The following XKR6 variants were observed in gnomAD, a reference collection of about 807,000 sequenced individuals.
XKR6 encodes XK related 6, also known as XK-related protein 6.
In XKR6, 22 loss-of-function variants were observed where a neutral mutation model predicts 56.7. That is an observed-to-expected ratio of 0.39 (90% CI 0.28 to 0.55). The LOEUF (loss-of-function observed/expected upper bound fraction) is 0.55. XKR6 is among the 20% of genes least tolerant of loss of function. XKR6 has a pLI of 0.66. For missense variants in XKR6, 852 were observed against 889.0 expected (o/e 0.96, Z 0.53); for synonymous variants, 524 against 387.8 (o/e 1.35, Z -4.13).
At chr8:11,137,426 C>G (rs954852594) in intron 1 of XKR6, 20 of 362,572 alleles carry the variant, frequency 5.5e-5, no homozygotes, top group African/African-American at 4.3e-4. Flanking sequence ...AGAAGAAATT[C>G]TCCCTCAAAC....
chr8:11,051,949 G>C (rs1437564304), intron 1 of XKR6, among the ~76,000 whole-genome samples: 1 of 152,226 alleles, frequency 6.6e-6, no homozygotes, highest in Non-Finnish European at 1.5e-5. Flanking sequence ...TGCCACGGTG[G>C]CGTGTTGCAC....
intron 1 of XKR6, among the ~76,000 whole-genome samples, chr8:11,061,595 G>GTTCA (rs374185850): frequency 7.7e-4 from 117 of 152,118 alleles, no homozygotes; most frequent in Middle Eastern, 3.4e-3. Context: ...ATGCACATCC[G>GTTCA]TTCATTCATT....
chr8:11,069,672 C>G (rs535411283), intron 1 of XKR6, among the ~76,000 whole-genome samples: 4 of 151,926 alleles, frequency 2.6e-5, no homozygotes, highest in Non-Finnish European at 5.9e-5. Flanking sequence ...GATCAATAAG[C>G]AAACAGAATA....
Position 11,015,882 on chromosome 8 carries a change from C to T in XKR6, c.765-91052G>A, listed in dbSNP as rs1312394309. Reference sequence around the variant, plus strand: ...GGGGAAGTGCTGTGCCCGAGGCGCCCCAAAGGTGGGCGGCGGTGCCAGCTC... The same window carrying T: ...GGGGAAGTGCTGTGCCCGAGGCGCCTCAAAGGTGGGCGGCGGTGCCAGCTC... On this transcript the variant is annotated intron_variant, in intron 1 of 2. Coordinates refer to ENST00000416569, the MANE Select transcript of XKR6 (RefSeq NM_173683.4). 2.6e-5 allele frequency among the ~76,000 whole-genome samples: 4 copies of T among 152,078 alleles called. 1 individual carries two copies. The highest frequency in any genetic ancestry group is 9.7e-5 in the African/African-American group (4 of 41,418).
chr8:10,955,948 G>C (rs140357242), intron 1 of XKR6, among the ~76,000 whole-genome samples: 1 of 152,204 alleles, frequency 6.6e-6, no homozygotes, highest in Non-Finnish European at 1.5e-5. Flanking sequence ...GGGCTTCAGG[G>C]CCCTGAGTGG....
At chr8:11,079,184 T>C (rs749482179) in intron 1 of XKR6, among the ~76,000 whole-genome samples, 4 of 152,184 alleles carry the variant, frequency 2.6e-5, no homozygotes, top group Non-Finnish European at 5.9e-5. Context: ...GGGCAGGAGA[T>C]ACCAGGGGGC....
intron 1 of XKR6, among the ~76,000 whole-genome samples, chr8:10,995,732 G>A (rs1344455295): frequency 1.3e-5 from 2 of 151,666 alleles, no homozygotes; most frequent in African/African-American, 4.9e-5. Flanking sequence ...AATTTTCAAG[G>A]CTGAACTAGA....
chr8:11,122,875 C>T (rs757690784), intron 1 of XKR6, among the ~76,000 whole-genome samples: 4 of 152,122 alleles, frequency 2.6e-5, no homozygotes, highest in Non-Finnish European at 5.9e-5. Flanking sequence ...AAAAGTAACA[C>T]ACAATTCATG....
At chr8:10,911,570 A>G (rs957115981) in intron 2 of XKR6, among the ~76,000 whole-genome samples, 1 of 147,486 alleles carries the variant, frequency 6.8e-6, no homozygotes, top group African/African-American at 2.5e-5. Context: ...ATCTATATAT[A>G]TATAGAGAGA....
chr8:11,064,099 G>A (rs1049824804), intron 1 of XKR6, among the ~76,000 whole-genome samples: 1 of 151,862 alleles, frequency 6.6e-6, no homozygotes. Context: ...TCACTTCCTC[G>A]TGTTGCTTTC....
Position 11,173,321 on chromosome 8 carries a change from G to A in XKR6, c.764+27255C>T, listed in dbSNP as rs1326711034. Among the ~76,000 whole-genome samples, 8 of 150,970 alleles carry A rather than the reference G, an allele frequency of 5.3e-5. No individual in the cohort carries two copies. In the South Asian group the frequency reaches 1.7e-3, roughly 32 times the overall value. On this transcript the variant is annotated intron_variant, in intron 1 of 2. Coordinates refer to ENST00000416569, the MANE Select transcript of XKR6 (RefSeq NM_173683.4). The stretch of plus-strand genomic sequence containing the variant: ...ATCGTGCCACTGCACTCCAGCCTGG[G>A]CAACAAAGCGAGACTCCGCCTTAAA...
intron 1 of XKR6, among the ~76,000 whole-genome samples, chr8:11,046,127 G>T (rs1388269194): frequency 6.6e-6 from 1 of 152,036 alleles, no homozygotes; most frequent in African/African-American, 2.4e-5. Context: ...GGCTGGTCAC[G>T]GTGGCTCACA....
chr8:11,138,456 T>C (rs140100710), intron 1 of XKR6: 5 of 152,294 alleles, frequency 3.3e-5, no homozygotes, highest in African/African-American at 1.2e-4. Context: ...AGTGAACAAG[T>C]GCTGTGATTT....
At chr8:11,059,154 G>T (rs1799762402) in intron 1 of XKR6, among the ~76,000 whole-genome samples, 4 of 152,210 alleles carry the variant, frequency 2.6e-5, no homozygotes, top group South Asian at 2.1e-4. Flanking sequence ...CTGCATCCAC[G>T]GCGTGGCGGC....
At chr8:11,052,948 G>A (rs1799591840) in intron 1 of XKR6, among the ~76,000 whole-genome samples, 1 of 152,234 alleles carries the variant, frequency 6.6e-6, no homozygotes. Context: ...GGCCTGTGCT[G>A]CGTGTCTGGC....
intron 1 of XKR6, among the ~76,000 whole-genome samples, chr8:11,051,017 C>T (rs1466176909): frequency 6.6e-6 from 1 of 152,180 alleles, no homozygotes; most frequent in Non-Finnish European, 1.5e-5. Flanking sequence ...CTCAAAGAAA[C>T]TACCAGTATT....
intron 1 of XKR6, among the ~76,000 whole-genome samples, chr8:11,040,109 G>A (rs935643455): frequency 1.3e-5 from 2 of 152,056 alleles, no homozygotes; most frequent in African/African-American, 4.8e-5. Flanking sequence ...GGAAGGGTGA[G>A]ACCTTGCAGT....
At chr8:11,090,348 A>G (rs760144083) in intron 1 of XKR6, among the ~76,000 whole-genome samples, 1 of 151,846 alleles carries the variant, frequency 6.6e-6, no homozygotes, top group Admixed American at 6.6e-5. Flanking sequence ...TCAGCCTCCC[A>G]AAGTGTTGGG....
chr8:11,052,347 C>G (rs1003439211), intron 1 of XKR6, among the ~76,000 whole-genome samples: 1 of 152,220 alleles, frequency 6.6e-6, no homozygotes, highest in African/African-American at 2.4e-5. Flanking sequence ...CTCTTGTTTC[C>G]CAGAGCACTT....
Sources: gnomAD v4.1 joint callset for allele counts (sites outside exome capture counted in the v4.1 genomes callset) on GRCh38, gnomAD v4.1.1 for gene constraint, MANE v1.5 for transcripts, NCBI Gene and HGNC (gene_info 2026-07-23, HGNC 2026-07-21) for gene names.